The following NAV3 variants were observed in gnomAD, a reference collection of about 807,000 sequenced individuals.
NAV3 encodes the protein pore membrane and/or filament interacting like protein 1.
In NAV3, 87 loss-of-function variants were observed where a neutral mutation model predicts 244.7. That is an observed-to-expected ratio of 0.36 (90% CI 0.30 to 0.42). The LOEUF (loss-of-function observed/expected upper bound fraction) is 0.42. Among genes scored for constraint, NAV3 ranks in the 20% least tolerant of loss-of-function variants. The pLI is 1.00. For synonymous variants in NAV3, 1,126 were observed against 1,042.2 expected, an observed-to-expected ratio of 1.08 and a Z score of -1.55; for missense variants, 2,663 against 2,893.3, an observed-to-expected ratio of 0.92 and a Z score of 1.83.
chr12:77,741,532 T>C (rs1868338102), intron 2 of NAV3, among the ~76,000 whole-genome samples: 1 of 152,182 alleles, frequency 6.6e-6, no homozygotes, highest in Non-Finnish European at 1.5e-5. Context: ...TCACTGCCAG[T>C]ATTCTATGCC....
intron 1 of NAV3, among the ~76,000 whole-genome samples, chr12:77,860,497 G>T (rs999169941): frequency 6.6e-6 from 1 of 151,494 alleles, no homozygotes; most frequent in Admixed American, 6.6e-5. Flanking sequence ...CTATTAAAAT[G>T]TTGCTGAGGT....
At chr12:77,709,059 TC>T (rs1203579424) in intron 2 of NAV3, among the ~76,000 whole-genome samples, 1 of 152,168 alleles carries the variant, frequency 6.6e-6, no homozygotes, top group African/African-American at 2.4e-5. Flanking sequence ...TGTTTCTTTC[TC>T]CTGCCTGATT....
chr12:77,913,459 G>A (rs908859714), intron 1 of NAV3, among the ~76,000 whole-genome samples: 3 of 151,944 alleles, frequency 2.0e-5, no homozygotes, highest in Non-Finnish European at 4.4e-5. Flanking sequence ...ATTTGACACA[G>A]TCTCACTCTG....
chr12:77,688,473 C>A lies in NAV3; in HGVS notation c.72+116207C>A, dbSNP rs547829308. ...TCTTGTTATCTTATTGTTTCATTTC[C>A]AAGGCCTAGTCTAGGGACAAAATAA... On this transcript the variant is annotated intron_variant, in intron 2 of 8. Transcript: ENST00000550042. 9.9e-5 allele frequency among the ~76,000 whole-genome samples: 15 copies of A among 152,020 alleles called. No homozygotes were observed. The South Asian group carries it at 3.1e-3, about 31-fold the overall frequency.
At chr12:78,200,435 A>G (rs971481455) in intron 37 of NAV3, 38 bp from the exon 38 acceptor site, 3 of 1,278,526 alleles carry the variant, frequency 2.3e-6, no homozygotes, top group Non-Finnish European at 3.3e-6. Context: ...ATTATTAAAT[A>G]TAACTCTTAA....
chr12:77,909,439 C>CAA (rs35769757), intron 1 of NAV3, among the ~76,000 whole-genome samples: 50 of 147,860 alleles, frequency 3.4e-4, no homozygotes, highest in Non-Finnish European at 6.0e-4. Flanking sequence ...TCTTTAATTC[C>CAA]AAAAAAAAAG....
Position 77,629,600 on chromosome 12 carries a change from TC to T in NAV3, c.72+57337del, listed in dbSNP as rs535768508. On this transcript the variant is annotated intron_variant, in intron 2 of 8. Transcript: ENST00000550042. ...TGCAATAACTTTTCACTCTAATTTT[TC>T]CCTAAAATAAAGTCCAAAACATTAA... Among the ~76,000 whole-genome samples, 147 of 152,304 alleles carry T rather than the reference TC, an allele frequency of 9.7e-4. 1 individual carries two copies. The Middle Eastern group carries it at 0.01, about 11-fold the overall frequency.
intron 7 of NAV3, among the ~76,000 whole-genome samples, chr12:77,999,658 A>G (rs1872903788): frequency 6.6e-6 from 1 of 152,166 alleles, no homozygotes; most frequent in Non-Finnish European, 1.5e-5. Context: ...GAAAATGAAA[A>G]ACAAAAGTGT....
chr12:77,997,851 TTCTTG>T (rs1234693462), intron 6 of NAV3, among the ~76,000 whole-genome samples: 1 of 152,256 alleles, frequency 6.6e-6, no homozygotes, highest in African/African-American at 2.4e-5. Context: ...TAGCTATTCC[TTCTTG>T]TTCAGTAACT....
At chr12:77,871,654 A>G (rs1880985301) in intron 1 of NAV3, among the ~76,000 whole-genome samples, 1 of 152,106 alleles carries the variant, frequency 6.6e-6, no homozygotes, top group African/African-American at 2.4e-5. Flanking sequence ...TCCATGGTGT[A>G]TATGTGCCAC....
chr12:77,753,963 G>A (rs1868993124), intron 2 of NAV3, among the ~76,000 whole-genome samples: 2 of 152,094 alleles, frequency 1.3e-5, no homozygotes, highest in South Asian at 4.1e-4. Flanking sequence ...GCAATTAAAT[G>A]TCACATAATT....
At position 78,050,016 on chromosome 12, in the gene NAV3, A is replaced by T; in HGVS notation, c.2047A>T (p.Met683Leu). ...AGGTGAAGACCCTGAAACAAGAAGA[A>T]TGAGAACAGTTAAAAACATAGCAGA... Reference protein sequence around the residue: ...ISGEDPETRRMRTVKNIADLR... With the variant: ...ISGEDPETRRLRTVKNIADLR... Residue 683 changes from methionine to leucine, a missense_variant, in exon 10 of 40, where the codon ATG (methionine) becomes TTG (leucine). Physicochemically the swap from Met to Leu is conservative, Grantham distance 15. Around this residue, in one of 6 missense-constraint regions of NAV3, gnomAD observed 1,521 missense variants for 1,497.0 expected, o/e 1.02. Transcript: ENST00000397909. The T allele has an allele frequency of 6.2e-7, 1 of 1,612,438 alleles. No homozygotes were observed. Among genetic ancestry groups the T allele is most frequent in the South Asian group, 1.1e-5 (1 of 90,384 alleles).
chr12:78,110,069 T>C lies in NAV3; in HGVS notation c.2637-6703T>C, dbSNP rs115069481. On this transcript the variant is annotated intron_variant, in intron 12 of 39. Coordinates refer to ENST00000397909, the MANE Select transcript of NAV3 (RefSeq NM_001024383.2). Reference sequence around the variant, plus strand: ...ACTAAAAACTCCAGCAAAAACCTCTTAGATTTGATTAATTAATTTAGTAAA... The same window carrying C: ...ACTAAAAACTCCAGCAAAAACCTCTCAGATTTGATTAATTAATTTAGTAAA... 8.2e-3 allele frequency among the ~76,000 whole-genome samples: 1,253 copies of C among 152,176 alleles called. 15 individuals are homozygous for C. Among genetic ancestry groups the C allele is most frequent in the African/African-American group, 0.028 (1,172 of 41,542 alleles).
At chr12:77,629,147 A>C (rs1871773882) in intron 2 of NAV3, among the ~76,000 whole-genome samples, 1 of 152,212 alleles carries the variant, frequency 6.6e-6, no homozygotes, top group Non-Finnish European at 1.5e-5. Context: ...GCATGAAAGC[A>C]ATAAAGTTGT....
intron 1 of NAV3, among the ~76,000 whole-genome samples, chr12:77,914,614 A>C (rs889661049): frequency 2.6e-5 from 4 of 152,052 alleles, no homozygotes; most frequent in African/African-American, 7.2e-5. Context: ...GATAACCTTT[A>C]CTTCTTGCTT....
intron 5 of NAV3, among the ~76,000 whole-genome samples, chr12:77,981,015 C>T (rs747678741): frequency 5.9e-5 from 9 of 152,004 alleles, no homozygotes; most frequent in Admixed American, 3.3e-4. Context: ...ATTTTCATAC[C>T]GTATTTCACT....
intron 2 of NAV3, among the ~76,000 whole-genome samples, chr12:77,740,507 C>G (rs367674610): frequency 1.3e-5 from 2 of 151,092 alleles, no homozygotes; most frequent in East Asian, 3.9e-4. Flanking sequence ...TACTCCAGTA[C>G]AAGTTATTTT....
chr12:78,118,359 CT>C, intron 14 of NAV3, 62 bp downstream of exon 14: 1 of 1,519,662 alleles, frequency 6.6e-7, no homozygotes, highest in Non-Finnish European at 8.8e-7. Flanking sequence ...TCCATTCAAT[CT>C]TTGTTTTCTC....
Position 77,692,879 on chromosome 12 carries a change from T to C in NAV3, c.72+120613T>C, listed in dbSNP as rs1440976633. ...AATAAAGCTGTGGAATAGAATAATA[T>C]AATACTAGAAACATAACATCAGGGA... On this transcript the variant is annotated intron_variant, in intron 2 of 8. Transcript: ENST00000550042. Among the ~76,000 whole-genome samples, 10 of 152,230 alleles carry C rather than the reference T, an allele frequency of 6.6e-5. No individual in the cohort carries two copies. The South Asian group carries it at 1.7e-3, about 25-fold the overall frequency.
Sources: allele counts gnomAD v4.1 joint callset (sites outside exome capture counted in the v4.1 genomes callset), GRCh38; gene constraint gnomAD v4.1.1; regional missense constraint gnomAD v4.1.1; transcripts MANE v1.5; gene names NCBI Gene and HGNC (gene_info 2026-07-23, HGNC 2026-07-21).